KCNJ3: variants seen among roughly 807,000 people sequenced by gnomAD.
KCNJ3 encodes potassium inwardly rectifying channel subfamily J member 3, also known as G protein-activated inward rectifier potassium channel 1.
Under a neutral mutation model 39.2 loss-of-function variants are expected in KCNJ3, and 4 were observed. The ratio of observed to expected loss-of-function variants is 0.10; its 90% confidence interval spans 0.05 to 0.23. The LOEUF (loss-of-function observed/expected upper bound fraction) is 0.23, where lower values mean the gene tolerates loss of function less well. Among genes scored for constraint, KCNJ3 ranks in the 10% least tolerant of loss-of-function variants. The pLI, the probability that KCNJ3 is intolerant of heterozygous loss-of-function variation, is 1.00. For missense variants in KCNJ3, 276 were observed against 634.9 expected (o/e 0.43, Z 6.08); for synonymous variants, 230 against 237.4 (o/e 0.97, Z 0.29).
At chr2:154,782,834 A>G (rs1686462337) in intron 2 of KCNJ3, among the ~76,000 whole-genome samples, 1 of 152,128 alleles carries the variant, frequency 6.6e-6, no homozygotes, top group Non-Finnish European at 1.5e-5. Context: ...AATTAAATTA[A>G]AACTTAATAT....
At chr2:154,720,439 G>C (rs1221196039) in intron 2 of KCNJ3, among the ~76,000 whole-genome samples, 1 of 151,918 alleles carries the variant, frequency 6.6e-6, no homozygotes, top group Non-Finnish European at 1.5e-5. Context: ...GAACATCTTA[G>C]TCTCCCTTAA....
intron 2 of KCNJ3, among the ~76,000 whole-genome samples, chr2:154,730,085 C>T (rs532988951): frequency 2.6e-4 from 39 of 152,018 alleles, no homozygotes; most frequent in Admixed American, 2.0e-3. Flanking sequence ...AAGCAGAAAG[C>T]AGTTGCCCCT....
intron 2 of KCNJ3, among the ~76,000 whole-genome samples, chr2:154,729,897 T>C (rs781576659): frequency 2.3e-4 from 35 of 152,140 alleles, no homozygotes; most frequent in Non-Finnish European, 4.4e-4. Context: ...GCTGAGTGTT[T>C]ATTTTTCATC....
At chr2:154,722,325 G>A (rs1274323525) in intron 2 of KCNJ3, among the ~76,000 whole-genome samples, 2 of 152,162 alleles carry the variant, frequency 1.3e-5, no homozygotes, top group Non-Finnish European at 2.9e-5. Context: ...TACACAGGCA[G>A]TGATGAGTAG....
At chr2:154,832,066 A>AATT (rs1181053911) in intron 2 of KCNJ3, among the ~76,000 whole-genome samples, 2 of 152,096 alleles carry the variant, frequency 1.3e-5, no homozygotes, top group African/African-American at 4.8e-5. Context: ...CTGTCTTTAG[A>AATT]ATTAACAGAG....
At position 154,706,307 on chromosome 2, in the gene KCNJ3, A is replaced by G. The variant is rs548042952; in HGVS notation, c.703-3296A>G. ...TGCATCATCAACAAATTGCTCTATC[A>G]GTGGAAAGTTTCTTATATCATAATG... On this transcript the variant is annotated intron_variant, in intron 1 of 2. Coordinates refer to ENST00000295101, the MANE Select transcript of KCNJ3 (RefSeq NM_002239.4). Among the ~76,000 whole-genome samples the G allele has an allele frequency of 4.6e-5, 7 of 152,246 alleles. No homozygotes were observed. The East Asian group carries it at 1.4e-3, about 29-fold the overall frequency.
In KCNJ3 at chr2:154,844,045, G is replaced by C. The variant is rs144551906; in HGVS notation, c.920-10682G>C. Among the ~76,000 whole-genome samples the C allele has an allele frequency of 2.8e-3, 430 of 152,308 alleles. 4 individuals carry two copies. The highest frequency in any genetic ancestry group is 0.01 in the African/African-American group (423 of 41,572). ...GGCCCTCTGATTTTTAGAATTTTCA[G>C]CTTTTCTGCTCTGGTTTCTCCCCAT... On this transcript the variant is annotated intron_variant, in intron 2 of 2. Coordinates refer to ENST00000295101, the MANE Select transcript of KCNJ3 (RefSeq NM_002239.4).
At chr2:154,723,988 T>C (rs1166210398) in intron 2 of KCNJ3, among the ~76,000 whole-genome samples, 1 of 152,166 alleles carries the variant, frequency 6.6e-6, no homozygotes, top group Non-Finnish European at 1.5e-5. Context: ...CACCCAATTA[T>C]ACATTTGTAT....
intron 2 of KCNJ3, among the ~76,000 whole-genome samples, chr2:154,803,174 T>C (rs2105217919): frequency 6.6e-6 from 1 of 152,168 alleles, no homozygotes; most frequent in Non-Finnish European, 1.5e-5. Flanking sequence ...TAAAAAGTGT[T>C]TTAAAATTTA....
At chr2:154,793,046 T>A (rs1686661179) in intron 2 of KCNJ3, among the ~76,000 whole-genome samples, 1 of 152,094 alleles carries the variant, frequency 6.6e-6, no homozygotes, top group Non-Finnish European at 1.5e-5. Context: ...GGGAACAGAA[T>A]AAATTTAGGC....
At chr2:154,783,679 T>G (rs933117721) in intron 2 of KCNJ3, among the ~76,000 whole-genome samples, 2 of 152,106 alleles carry the variant, frequency 1.3e-5, no homozygotes, top group African/African-American at 2.4e-5. Flanking sequence ...GTGAAATAAT[T>G]TTCCCAAGTT....
rs779564588 is a variant in KCNJ3, at chr2:154,699,491, G to A, written c.702+14G>A. ...AAGCTGCTCAAAGTAAGTGCTCCCC[G>A]CCCCTTCCCCACCGGGAGACCTGCG... On this transcript the variant is annotated intron_variant, in intron 1 of 2. Coordinates refer to ENST00000295101, the MANE Select transcript of KCNJ3 (RefSeq NM_002239.4). This position sits in a 1 kb window ranked among gnomAD's most constrained non-coding sequence, Gnocchi z 6.4. 5 of 1,557,528 alleles carry A rather than the reference G, an allele frequency of 3.2e-6. No homozygotes were observed. Among genetic ancestry groups the A allele is most frequent in the Admixed American group, 1.8e-5 (1 of 55,230 alleles).
chr2:154,755,701 TC>T (rs1294530340), intron 2 of KCNJ3, among the ~76,000 whole-genome samples: 2 of 151,788 alleles, frequency 1.3e-5, no homozygotes, highest in Non-Finnish European at 2.9e-5. Flanking sequence ...TTGCTTGAAA[TC>T]GAATGCAAAC....
intron 2 of KCNJ3, among the ~76,000 whole-genome samples, chr2:154,791,140 A>G (rs575615116): frequency 6.6e-6 from 1 of 152,096 alleles, no homozygotes; most frequent in East Asian, 1.9e-4. Flanking sequence ...GTCTTTCCTG[A>G]TCTAGGGAAG....
At chr2:154,822,573 T>C (rs934267501) in intron 2 of KCNJ3, among the ~76,000 whole-genome samples, 3 of 152,212 alleles carry the variant, frequency 2.0e-5, no homozygotes, top group Non-Finnish European at 4.4e-5. Flanking sequence ...TGGCACTTTA[T>C]GTAGCAGTTT....
chr2:154,747,800 A>C (rs545019866), intron 2 of KCNJ3, among the ~76,000 whole-genome samples: 1 of 152,048 alleles, frequency 6.6e-6, no homozygotes, highest in Non-Finnish European at 1.5e-5. Flanking sequence ...CTGTTGTTTG[A>C]TAGGTGATGT....
chr2:154,764,874 A>T (rs1686105429), intron 2 of KCNJ3, among the ~76,000 whole-genome samples: 1 of 151,468 alleles, frequency 6.6e-6, no homozygotes, highest in South Asian at 2.1e-4. Context: ...TGGATGCCCC[A>T]TGCTTTTTGT....
intron 2 of KCNJ3, among the ~76,000 whole-genome samples, chr2:154,798,617 T>G (rs1686760102): frequency 6.6e-6 from 1 of 152,160 alleles, no homozygotes; most frequent in African/African-American, 2.4e-5. Flanking sequence ...AGTCTGTGAA[T>G]ATTGAAACCT....
intron 2 of KCNJ3, among the ~76,000 whole-genome samples, chr2:154,775,037 G>A (rs933023884): frequency 6.6e-6 from 1 of 151,928 alleles, no homozygotes; most frequent in Non-Finnish European, 1.5e-5. Context: ...CTGTTTTAGC[G>A]TCTCGAATAG....
Sources: gnomAD v4.1 joint callset for allele counts (sites outside exome capture counted in the v4.1 genomes callset) on GRCh38, gnomAD v4.1.1 for gene constraint, Gnocchi (gnomAD v3.1) non-coding constraint, MANE v1.5 for transcripts, NCBI Gene and HGNC (gene_info 2026-07-23, HGNC 2026-07-21) for gene names.